PLB1: variants seen among roughly 807,000 people sequenced by gnomAD.
PLB1 encodes phospholipase B1.
PLB1 carries 242 observed loss-of-function variants against 227.4 expected under a neutral mutation model. That is an observed-to-expected ratio of 1.06 (90% CI 0.96 to 1.18). The LOEUF (loss-of-function observed/expected upper bound fraction) is 1.18, where lower values mean the gene tolerates loss of function less well. Ranked by LOEUF, PLB1 falls within the 50% of genes most tolerant of loss-of-function variation. PLB1 has a pLI of 0.00. For missense variants in PLB1, 1,858 were observed against 1,816.3 expected, an observed-to-expected ratio of 1.02 and a Z score of -0.42; for synonymous variants, 757 against 682.2, an observed-to-expected ratio of 1.11 and a Z score of -1.71.
chr2:28,564,308 G>T (rs1367701919), intron 18 of PLB1, among the ~76,000 whole-genome samples: 1 of 152,140 alleles, frequency 6.6e-6, no homozygotes, highest in East Asian at 1.9e-4. Context: ...GCTTGTAAGT[G>T]CTCGAGCCAG....
At chr2:28,624,084 C>A (rs1161620897) in intron 49 of PLB1, among the ~76,000 whole-genome samples, 1 of 152,136 alleles carries the variant, frequency 6.6e-6, no homozygotes, top group East Asian at 1.9e-4. Context: ...GGCAACAGAG[C>A]AAGACCCTGT....
chr2:28,609,661 A>G (rs1009966860), intron 43 of PLB1, among the ~76,000 whole-genome samples: 3 of 152,162 alleles, frequency 2.0e-5, no homozygotes, highest in Non-Finnish European at 4.4e-5. Context: ...CATTCATTCA[A>G]AAAATAATTT....
rs1558862572 is a variant in PLB1 at position 28,593,758 on chromosome 2, A to AT, written c.2321+5dup. 6.2e-7 allele frequency: 1 copy of AT among 1,613,114 alleles called. No individual in the cohort carries two copies. Among genetic ancestry groups the AT allele is most frequent in the East Asian group, 2.2e-5 (1 of 44,872 alleles). On this transcript the variant is annotated splice_donor_region_variant and intron_variant, in intron 33 of 57. Transcript: ENST00000327757. The stretch of plus-strand genomic sequence containing the variant: ...AGTATCGGGGACTGTCATACAGGTA[A>AT]TGTTAACCTTTGACCTCTCCCAGCG...
rs1677399504 is a variant in PLB1 at position 28,568,292 on chromosome 2, C to A, written c.1324+1453C>A. ...ATGCAATAGCTTTCTGGGCTCTTTA[C>A]TTCCCATGCTCGTATTATGGACAAG... is the stretch of plus-strand genomic sequence containing the variant. On this transcript the variant is annotated intron_variant, in intron 20 of 57. Transcript: ENST00000327757. Among the ~76,000 whole-genome samples the A allele has an allele frequency of 2.0e-5, 3 of 152,324 alleles. No individual in the cohort carries two copies. The South Asian group carries it at 6.2e-4, about 32-fold the overall frequency.
chr2:28,612,722 C>T (rs1011538491), intron 43 of PLB1, among the ~76,000 whole-genome samples: 3 of 150,956 alleles, frequency 2.0e-5, no homozygotes, highest in African/African-American at 7.3e-5. Flanking sequence ...AATTCTCATG[C>T]CTCAACCTCT....
At chr2:28,635,149 AAAAC>A (rs1477337720) in intron 56 of PLB1, among the ~76,000 whole-genome samples, 1 of 152,196 alleles carries the variant, frequency 6.6e-6, no homozygotes, top group East Asian at 1.9e-4. Context: ...CAAAATAACA[AAAAC>A]AAAACTAAAG....
At chr2:28,611,192 C>A (rs540275300) in intron 43 of PLB1, among the ~76,000 whole-genome samples, 1 of 152,318 alleles carries the variant, frequency 6.6e-6, no homozygotes, top group Admixed American at 6.5e-5. Context: ...TTGCCATGGC[C>A]TCAGTCTGCA....
In PLB1 at chr2:28,496,196, A is replaced by C; in HGVS notation, c.55+27A>C. 3.7e-6 allele frequency: 6 copies of C among 1,610,898 alleles called. No homozygotes were observed. The South Asian group carries it at 6.6e-5, about 18-fold the overall frequency. On this transcript the variant is annotated intron_variant, in intron 1 of 57. Coordinates refer to ENST00000327757, the MANE Select transcript of PLB1 (RefSeq NM_153021.5). ...TAAGCGTGCCTTTTGCTCAGAGGAC[A>C]ACCAGTGGTTTAGCCCCGCTGGTGT...
intron 35 of PLB1, 119 bp from the exon 36 acceptor site, chr2:28,600,690 G>A (rs1309976995): frequency 3.4e-6 from 3 of 881,730 alleles, no homozygotes; most frequent in Non-Finnish European, 5.4e-6. Context: ...TGAGCCTCGG[G>A]ATCTCTGCCA....
intron 13 of PLB1, among the ~76,000 whole-genome samples, chr2:28,542,031 G>C (rs940057639): frequency 1.3e-5 from 2 of 152,062 alleles, no homozygotes; most frequent in Non-Finnish European, 2.9e-5. Context: ...TACTCTGGAG[G>C]CTGAGGCATG....
Position 28,629,190 on chromosome 2 carries a change from G to A in PLB1, c.3818+5G>A, listed in dbSNP as rs1688251722. On this transcript the variant is annotated splice_donor_5th_base_variant and intron_variant, in intron 53 of 57. Coordinates refer to ENST00000327757, the MANE Select transcript of PLB1 (RefSeq NM_153021.5). Reference sequence around the variant, plus strand: ...ATGTGCCATGCTGGCAGCTCAGTAAGTGGACAGGTCACCGTCCCAAGGCAA... The same window carrying A: ...ATGTGCCATGCTGGCAGCTCAGTAAATGGACAGGTCACCGTCCCAAGGCAA... The A allele has an allele frequency of 6.2e-7, 1 of 1,613,118 alleles. No homozygotes were observed. The highest frequency in any genetic ancestry group is 1.1e-5 in the South Asian group (1 of 90,910).
intron 20 of PLB1, among the ~76,000 whole-genome samples, chr2:28,568,984 C>T (rs570268923): frequency 6.6e-6 from 1 of 152,314 alleles, no homozygotes; most frequent in African/African-American, 2.4e-5. Flanking sequence ...TCAAATCGCT[C>T]AGGTGATTTC....
intron 36 of PLB1, among the ~76,000 whole-genome samples, 194 bp from the exon 37 acceptor site, chr2:28,601,058 A>G (rs967333227): frequency 7.9e-5 from 11 of 138,380 alleles, no homozygotes; most frequent in Non-Finnish European, 1.5e-4. Flanking sequence ...GGGTACAGCG[A>G]CACTGAAAAT....
At chr2:28,529,073 A>C in intron 6 of PLB1, among the ~76,000 whole-genome samples, 1 of 150,914 alleles carries the variant, frequency 6.6e-6, no homozygotes, top group East Asian at 2.0e-4. Flanking sequence ...TCAGCCACCT[A>C]AGTAGCTATG....
intron 44 of PLB1, among the ~76,000 whole-genome samples, chr2:28,615,510 T>C (rs959178366): frequency 6.6e-5 from 10 of 152,292 alleles, no homozygotes; most frequent in African/African-American, 2.4e-4. Flanking sequence ...TTAAGAACTA[T>C]TGGATGCTAA....
At chr2:28,496,449 C>T (rs912089412) in intron 1 of PLB1, among the ~76,000 whole-genome samples, 1 of 152,134 alleles carries the variant, frequency 6.6e-6, no homozygotes, top group Non-Finnish European at 1.5e-5. Context: ...AAAAAAACCC[C>T]TGGATTCTAT....
chr2:28,614,185 A>T, intron 44 of PLB1, 89 bp downstream of exon 44: 1 of 1,237,336 alleles, frequency 8.1e-7, no homozygotes. Flanking sequence ...CAGAGTATTC[A>T]CTGAAGCAGA....
intron 53 of PLB1, among the ~76,000 whole-genome samples, chr2:28,629,737 A>G (rs1453752464): frequency 6.6e-6 from 1 of 152,186 alleles, no homozygotes; most frequent in East Asian, 1.9e-4. Context: ...TCCATCCTTG[A>G]TGGGGCCTGT....
chr2:28,604,750 T>C lies in PLB1; in HGVS notation c.2952T>C (p.Pro984=), dbSNP rs1361007999. 1.9e-6 allele frequency: 3 copies of C among 1,613,922 alleles called. No homozygotes were observed. Among genetic ancestry groups the C allele is most frequent in the Non-Finnish European group, 2.5e-6 (3 of 1,179,914 alleles). ...LQPFFQNIQL[P]VLADGLPDTS... Reference sequence around the variant, plus strand: ...CCTTCTTCCAGAACATCCAGCTCCCTGTCCTGGCGGTATGTCCCCTGCCCT... The same window carrying C: ...CCTTCTTCCAGAACATCCAGCTCCCCGTCCTGGCGGTATGTCCCCTGCCCT... The change falls in exon 41 of 58, where the codon CCT becomes CCC. Residue 984 remains proline (P), a synonymous_variant. Coordinates refer to ENST00000327757, the MANE Select transcript of PLB1 (RefSeq NM_153021.5).
Sources: allele counts gnomAD v4.1 joint callset (sites outside exome capture counted in the v4.1 genomes callset), GRCh38; gene constraint gnomAD v4.1.1; transcripts MANE v1.5; gene names NCBI Gene and HGNC (gene_info 2026-07-23, HGNC 2026-07-21).